Variants in NEK10 observed in about 807,000 individuals in gnomAD.
NEK10 encodes NIMA related kinase 10.
NEK10 carries 122 observed loss-of-function variants against 159.8 expected under a neutral mutation model. The observed-to-expected ratio is 0.76, with a 90% CI of 0.66 to 0.89. NEK10 has a LOEUF of 0.89. Among genes scored for constraint, NEK10 ranks in the 40% least tolerant of loss-of-function variants. The pLI is 0.00. For synonymous variants in NEK10, 466 were observed against 457.1 expected, an observed-to-expected ratio of 1.02 and a Z score of -0.25; for missense variants, 1,342 against 1,323.1, an observed-to-expected ratio of 1.01 and a Z score of -0.22.
intron 19 of NEK10, among the ~76,000 whole-genome samples, chr3:27,287,963 A>G (rs745663375): frequency 1.3e-5 from 2 of 152,222 alleles, no homozygotes; most frequent in Non-Finnish European, 2.9e-5. Context: ...TAGCTTTATT[A>G]AATAAAATTA....
At chr3:27,129,079 T>G (rs1352205881) in intron 32 of NEK10, among the ~76,000 whole-genome samples, 1 of 152,140 alleles carries the variant, frequency 6.6e-6, no homozygotes, top group African/African-American at 2.4e-5. Context: ...CTTTCCTCCA[T>G]GCTGAAAATC....
intron 30 of NEK10, 139 bp downstream of exon 30, chr3:27,162,562 T>C (rs979515830): frequency 1.9e-6 from 3 of 1,614,146 alleles, no homozygotes; most frequent in Non-Finnish European, 2.5e-6. Flanking sequence ...CCTGAGCATG[T>C]GGGGTGGCAC....
chr3:27,191,010 A>G (rs1198227348), intron 26 of NEK10, among the ~76,000 whole-genome samples: 4 of 152,222 alleles, frequency 2.6e-5, no homozygotes, highest in African/African-American at 9.6e-5. Flanking sequence ...ATGAAGATGA[A>G]AGAGTTTCCT....
chr3:27,304,526 T>C (rs2044084379), intron 12 of NEK10, among the ~76,000 whole-genome samples: 1 of 152,160 alleles, frequency 6.6e-6, no homozygotes, highest in Non-Finnish European at 1.5e-5. Flanking sequence ...GATGCAAAGA[T>C]AAATATATCT....
chr3:27,162,423 T>C (rs200282592), intron 30 of NEK10: 157 of 1,603,092 alleles, frequency 9.8e-5, no homozygotes, highest in Non-Finnish European at 1.3e-4. Context: ...CATTTGCCCA[T>C]TGTGTGCTTA....
At chr3:27,289,609 C>T (rs1575603807) in intron 19 of NEK10, among the ~76,000 whole-genome samples, 1 of 152,298 alleles carries the variant, frequency 6.6e-6, no homozygotes, top group East Asian at 1.9e-4. Flanking sequence ...CTGGACCTGG[C>T]TCACCCACAA....
At chr3:27,238,302 G>A (rs1954167251) in intron 23 of NEK10, among the ~76,000 whole-genome samples, 1 of 152,168 alleles carries the variant, frequency 6.6e-6, no homozygotes, top group Admixed American at 6.5e-5. Context: ...GTGTATGTGT[G>A]TTTGTGTGTT....
chr3:27,207,027 A>G (rs1485357273), intron 23 of NEK10, among the ~76,000 whole-genome samples: 1 of 152,050 alleles, frequency 6.6e-6, no homozygotes, highest in Non-Finnish European at 1.5e-5. Context: ...CCTTTTAAAT[A>G]TGTGTGTGTG....
intron 23 of NEK10, among the ~76,000 whole-genome samples, chr3:27,220,656 G>T (rs1473703313): frequency 2.0e-5 from 3 of 150,498 alleles, no homozygotes; most frequent in Admixed American, 6.6e-5. Context: ...TTTTTTTCTT[G>T]CAGAAATTGA....
chr3:27,163,453 G>A (rs559535832), intron 29 of NEK10, among the ~76,000 whole-genome samples: 1 of 151,836 alleles, frequency 6.6e-6, no homozygotes, highest in Non-Finnish European at 1.5e-5. Context: ...CCAGGTTCAC[G>A]CCATTCTCCT....
chr3:27,139,404 A>T (rs1479182750), intron 31 of NEK10, among the ~76,000 whole-genome samples: 1 of 152,228 alleles, frequency 6.6e-6, no homozygotes, highest in African/African-American at 2.4e-5. Flanking sequence ...AATGAGGGTC[A>T]AATCCATAAC....
chr3:27,212,318 C>G (rs1180868283), intron 23 of NEK10, among the ~76,000 whole-genome samples: 1 of 152,102 alleles, frequency 6.6e-6, no homozygotes, highest in African/African-American at 2.4e-5. Context: ...TTATAGATGT[C>G]TTAACCTGAA....
intron 29 of NEK10, among the ~76,000 whole-genome samples, chr3:27,164,656 T>C (rs1946320517): frequency 6.6e-6 from 1 of 152,250 alleles, no homozygotes; most frequent in Non-Finnish European, 1.5e-5. Flanking sequence ...GCCTCCATAC[T>C]TAACAATGTG....
At chr3:27,252,774 T>A (rs571389527) in intron 23 of NEK10, 39 of 412,006 alleles carry the variant, frequency 9.5e-5, no homozygotes, top group African/African-American at 6.6e-4. Flanking sequence ...AAAGGCCCTG[T>A]GGTCAGAGGG....
chr3:27,162,127 A>ATCTCG, intron 30 of NEK10: 2 of 248,468 alleles, frequency 8.0e-6, no homozygotes, highest in South Asian at 8.8e-5. Flanking sequence ...GTAGGTGTAG[A>ATCTCG]GTTTACAGAA....
intron 23 of NEK10, among the ~76,000 whole-genome samples, chr3:27,228,049 T>A (rs1952819665): frequency 6.6e-6 from 1 of 152,226 alleles, no homozygotes; most frequent in African/African-American, 2.4e-5. Flanking sequence ...GAAGTGAACA[T>A]TTTCCTTGAT....
chr3:27,293,755 T>C (rs2043161560), intron 15 of NEK10, 103 bp from the exon 16 acceptor site: 1 of 620,102 alleles, frequency 1.6e-6, no homozygotes, highest in Non-Finnish European at 2.8e-6. Context: ...GACTTTATTG[T>C]AAGTGGCTGG....
At chr3:27,117,252 T>C (rs1385694276) in intron 33 of NEK10, among the ~76,000 whole-genome samples, 2 of 152,234 alleles carry the variant, frequency 1.3e-5, no homozygotes, top group Non-Finnish European at 2.9e-5. Flanking sequence ...GTTGATTCCA[T>C]GTCTTCACTA....
intron 23 of NEK10, among the ~76,000 whole-genome samples, chr3:27,226,430 G>T (rs9864338): frequency 0.43 from 65,933 of 152,052 alleles, 16,783 homozygotes; most frequent in African/African-American, 0.72. Context: ...AGGGAATTCT[G>T]GCAAAGTATA....
Sources: gnomAD v4.1 joint callset for allele counts (sites outside exome capture counted in the v4.1 genomes callset) on GRCh38, gnomAD v4.1.1 for gene constraint, MANE v1.5 for transcripts, NCBI Gene and HGNC (gene_info 2026-07-23, HGNC 2026-07-21) for gene names.